DCDC1: variants seen among roughly 807,000 people sequenced by gnomAD.
DCDC1 encodes the protein doublecortin domain-containing protein 1.
A neutral mutation model predicts 178.3 loss-of-function variants in DCDC1; 200 were observed. The observed-to-expected ratio is 1.12, with a 90% CI of 1.00 to 1.26. DCDC1 has a LOEUF of 1.26. DCDC1 is among the 50% of genes most tolerant of loss of function. The pLI, the probability that DCDC1 is intolerant of heterozygous loss-of-function variation, is 0.00. For missense variants in DCDC1, 1,983 were observed against 1,749.2 expected (o/e 1.13, Z -2.38); for synonymous variants, 690 against 604.8 (o/e 1.14, Z -2.07).
chr11:31,219,594 T>C (rs1236095750), intron 9 of DCDC1, among the ~76,000 whole-genome samples: 2 of 152,200 alleles, frequency 1.3e-5, no homozygotes, highest in Non-Finnish European at 2.9e-5. Flanking sequence ...ATTAGACTTA[T>C]TCTAAAAGAA....
chr11:31,236,459 T>G (rs1368578399), intron 9 of DCDC1, among the ~76,000 whole-genome samples: 1 of 152,026 alleles, frequency 6.6e-6, no homozygotes, highest in Non-Finnish European at 1.5e-5. Context: ...TGCTGACACC[T>G]TTTTTAAAAA....
chr11:31,365,515 T>A (rs1299907622), intron 1 of DCDC1, among the ~76,000 whole-genome samples: 1 of 152,148 alleles, frequency 6.6e-6, no homozygotes, highest in African/African-American at 2.4e-5. Context: ...ACACTATATG[T>A]ATACATCTAT....
intron 20 of DCDC1, among the ~76,000 whole-genome samples, chr11:30,952,914 A>G (rs1280261570): frequency 6.6e-6 from 1 of 152,134 alleles, no homozygotes; most frequent in Non-Finnish European, 1.5e-5. Context: ...ACAGTAAAAG[A>G]GAAGTTAGCT....
chr11:31,064,463 C>A lies in DCDC1; in HGVS notation c.2591+6G>T, dbSNP rs1379149691. 3 of 763,812 alleles carry A rather than the reference C, an allele frequency of 3.9e-6. No homozygotes were observed. The highest frequency in any genetic ancestry group is 7.2e-6 in the Non-Finnish European group (3 of 416,452). The allele number at this position is 763,812 out of a possible 1,614,324, so 47.3% of individuals were successfully genotyped here. ...GCAATAAAGCTCAGTTCTGTCAGTA[C>A]CCTACCTCTGAGCAGAAGCCTTAGG... On this transcript the variant is annotated splice_donor_region_variant and intron_variant, in intron 20 of 38. Transcript: ENST00000684477.
intron 20 of DCDC1, among the ~76,000 whole-genome samples, chr11:30,970,752 C>G (rs1043504628): frequency 5.9e-5 from 9 of 152,058 alleles, no homozygotes; most frequent in African/African-American, 9.7e-5. Context: ...CACAGCACAG[C>G]CACTGATCCT....
Position 31,362,680 on chromosome 11 carries a change from G to C in DCDC1, c.-125+7017C>G, listed in dbSNP as rs553116959. 1.1e-4 allele frequency among the ~76,000 whole-genome samples: 16 copies of C among 152,216 alleles called. 1 individual carries two copies. In the South Asian group the frequency reaches 3.3e-3, roughly 32 times the overall value. On this transcript the variant is annotated intron_variant, in intron 1 of 38. Transcript: ENST00000684477. ...TGCTAATGAGCTACAAAAGACTAGA[G>C]TCATGGTGCTTCTACAGTAGATTAA...
At chr11:31,217,813 T>C (rs982537318) in intron 9 of DCDC1, among the ~76,000 whole-genome samples, 1 of 152,142 alleles carries the variant, frequency 6.6e-6, no homozygotes, top group African/African-American at 2.4e-5. Flanking sequence ...ACTAAAGTAA[T>C]ATCTCTTCAT....
At chr11:30,888,064 G>GAAAGAA (rs1565029139) in intron 36 of DCDC1, among the ~76,000 whole-genome samples, 29 of 74,322 alleles carry the variant, frequency 3.9e-4, no homozygotes, top group African/African-American at 1.6e-3. Flanking sequence ...GAAAGAAAGA[G>GAAAGAA]AGAGAGAGAG....
intron 7 of DCDC1, among the ~76,000 whole-genome samples, chr11:31,286,086 T>C (rs1441157648): frequency 6.6e-6 from 1 of 152,182 alleles, no homozygotes; most frequent in African/African-American, 2.4e-5. Flanking sequence ...TTTAGAACAC[T>C]GGAATAAGAA....
At chr11:31,118,879 G>A (rs1184993047) in intron 11 of DCDC1, among the ~76,000 whole-genome samples, 1 of 152,192 alleles carries the variant, frequency 6.6e-6, no homozygotes, top group Admixed American at 6.5e-5. Context: ...GCTCTTCCCT[G>A]ATTTTGATAC....
intron 11 of DCDC1, among the ~76,000 whole-genome samples, chr11:31,123,700 G>A (rs1961144733): frequency 1.3e-5 from 2 of 151,950 alleles, no homozygotes; most frequent in Admixed American, 6.6e-5. Context: ...TGAGAAGAGA[G>A]GAAGCAGAAG....
chr11:30,876,490 T>G (rs1018180364), intron 38 of DCDC1, among the ~76,000 whole-genome samples: 15 of 152,196 alleles, frequency 9.9e-5, no homozygotes, highest in African/African-American at 3.6e-4. Flanking sequence ...AAAGTAAGTG[T>G]CGCTGCCTTG....
intron 32 of DCDC1, among the ~76,000 whole-genome samples, chr11:30,901,231 T>G (rs1373115847): frequency 2.0e-5 from 3 of 152,146 alleles, no homozygotes; most frequent in Non-Finnish European, 4.4e-5. Context: ...TAGCTAACAG[T>G]ACCCTGCAAT....
intron 38 of DCDC1, 112 bp downstream of exon 38, chr11:30,878,432 T>A: frequency 2.9e-6 from 3 of 1,042,308 alleles, no homozygotes; most frequent in Non-Finnish European, 3.9e-6. Flanking sequence ...CCAGCCTGGG[T>A]GACAGAGCAA....
rs539898959 is a variant in DCDC1, at chr11:30,908,004, T to C, written c.3918+942A>G. On this transcript the variant is annotated intron_variant, in intron 29 of 38. Coordinates refer to ENST00000684477, the MANE Select transcript of DCDC1 (RefSeq NM_001387274.1). The stretch of plus-strand genomic sequence containing the variant: ...TTCTATTAAAAGTTTAGTTAATCAA[T>C]GTAGGAAAAAATGATAGAATTAGAC... Among the ~76,000 whole-genome samples the C allele has an allele frequency of 5.3e-5, 8 of 152,228 alleles. No individual in the cohort carries two copies. In the South Asian group the frequency reaches 1.7e-3, roughly 32 times the overall value.
intron 7 of DCDC1, among the ~76,000 whole-genome samples, chr11:31,282,166 G>T (rs1174233493): frequency 1.3e-5 from 2 of 152,006 alleles, no homozygotes; most frequent in Non-Finnish European, 2.9e-5. Flanking sequence ...CTCATGAAAG[G>T]TTGATAAAAT....
intron 7 of DCDC1, among the ~76,000 whole-genome samples, chr11:31,275,113 A>G (rs1945883074): frequency 6.6e-6 from 1 of 152,128 alleles, no homozygotes; most frequent in African/African-American, 2.4e-5. Context: ...GTAGTCAAAA[A>G]ATATTTTGAA....
At chr11:31,015,966 C>T (rs926460997) in intron 20 of DCDC1, among the ~76,000 whole-genome samples, 2 of 152,146 alleles carry the variant, frequency 1.3e-5, no homozygotes, top group Non-Finnish European at 2.9e-5. Context: ...ATAAAAAATA[C>T]ACTCCATTTT....
At chr11:30,920,671 C>G in intron 25 of DCDC1, 105 bp downstream of exon 25, 1 of 1,383,370 alleles carries the variant, frequency 7.2e-7, no homozygotes, top group Non-Finnish European at 9.7e-7. Flanking sequence ...ATTAGTTTCA[C>G]AAACTTGGCA....
Sources: allele counts gnomAD v4.1 joint callset (sites outside exome capture counted in the v4.1 genomes callset), GRCh38; gene constraint gnomAD v4.1.1; transcripts MANE v1.5; gene names NCBI Gene and HGNC (gene_info 2026-07-23, HGNC 2026-07-21).